STT3B: variants seen among roughly 807,000 people sequenced by gnomAD.
The protein encoded by STT3B is STT3 oligosaccharyltransferase complex catalytic subunit B.
STT3B carries 29 observed loss-of-function variants against 96.8 expected under a neutral mutation model. The observed-to-expected ratio is 0.30, with a 90% CI of 0.22 to 0.41. The LOEUF (loss-of-function observed/expected upper bound fraction) is 0.41. STT3B is among the 10% of genes least tolerant of loss of function. The probability of loss-of-function intolerance (pLI) is 1.00; values close to 1 mark genes in which losing one functional copy is unlikely to be tolerated. For missense variants in STT3B, 640 were observed against 1,022.3 expected (o/e 0.63, Z 5.10); for synonymous variants, 367 against 360.0 (o/e 1.02, Z -0.22).
chr3:31,612,335 C>T (rs1175618754), intron 5 of STT3B, among the ~76,000 whole-genome samples: 1 of 152,114 alleles, frequency 6.6e-6, no homozygotes, highest in Non-Finnish European at 1.5e-5. Context: ...GTACTTGGGT[C>T]CAGTTCTCTT....
chr3:31,599,987 G>A (rs933196010), intron 4 of STT3B, among the ~76,000 whole-genome samples: 3 of 151,842 alleles, frequency 2.0e-5, no homozygotes, highest in African/African-American at 7.3e-5. Flanking sequence ...ATAAAAAGTG[G>A]GTGAGGTAAA....
At chr3:31,610,348 A>G (rs1000501230) in intron 5 of STT3B, among the ~76,000 whole-genome samples, 6 of 152,232 alleles carry the variant, frequency 3.9e-5, no homozygotes, top group Non-Finnish European at 7.3e-5. Context: ...AAGCAATTCA[A>G]AAATGCTAAT....
chr3:31,543,283 A>C (rs140974174), intron 1 of STT3B, among the ~76,000 whole-genome samples: 1 of 152,292 alleles, frequency 6.6e-6, no homozygotes, highest in African/African-American at 2.4e-5. Flanking sequence ...AAGGAGACTT[A>C]AGTTATTTGT....
At position 31,596,959 on chromosome 3, in the gene STT3B, TTAATG is replaced by T. The variant is rs983659719; in HGVS notation, c.777+101_777+105del. 1.1e-4 allele frequency: 103 copies of T among 947,314 alleles called. No individual in the cohort carries two copies. The Middle Eastern group carries it at 1.6e-3, about 15-fold the overall frequency. The allele number at this position is 947,314 out of a possible 1,614,324, so 58.7% of individuals were successfully genotyped here. On this transcript the variant is annotated intron_variant, in intron 4 of 15. Coordinates refer to ENST00000295770, the MANE Select transcript of STT3B (RefSeq NM_178862.3). ...GAAGTCTGTAGGATTTTTATTTTGT[TTAATG>T]TAATCTTTCATTACTACCATCCTCT...
chr3:31,569,604 C>G (rs1698089953), intron 1 of STT3B, among the ~76,000 whole-genome samples: 1 of 152,100 alleles, frequency 6.6e-6, no homozygotes, highest in South Asian at 2.1e-4. Context: ...GTCACACTTG[C>G]TTCAAAACAG....
At chr3:31,559,150 TG>T (rs1559365166) in intron 1 of STT3B, among the ~76,000 whole-genome samples, 4 of 52,242 alleles carry the variant, frequency 7.7e-5, no homozygotes, top group Non-Finnish European at 1.3e-4. Context: ...TCTTGGGGTG[TG>T]TGTGTGTGTG....
intron 1 of STT3B, among the ~76,000 whole-genome samples, chr3:31,567,030 C>T (rs935139644): frequency 6.6e-6 from 1 of 152,142 alleles, no homozygotes; most frequent in African/African-American, 2.4e-5. Flanking sequence ...GCAAGACTTC[C>T]TGGGATTCTC....
Position 31,623,945 on chromosome 3 carries a change from T to C in STT3B, c.1727+84T>C, listed in dbSNP as rs904900807. On this transcript the variant is annotated intron_variant, in intron 11 of 15. Transcript: ENST00000295770. Reference sequence around the variant, plus strand: ...CAAAGGATATAATTAAAAAATAGAATGTTGTTTGTGAGATTCTGCATTTGC... The same window carrying C: ...CAAAGGATATAATTAAAAAATAGAACGTTGTTTGTGAGATTCTGCATTTGC... 3 of 1,194,336 alleles carry C rather than the reference T, an allele frequency of 2.5e-6. No homozygotes were observed. The East Asian group carries it at 7.4e-5, about 29-fold the overall frequency. The allele number at this position is 1,194,336 out of a possible 1,614,324, so 74.0% of individuals were successfully genotyped here. A position where few individuals can be genotyped will look rare whatever the true frequency, so the allele number is the denominator to read the frequency against.
In STT3B at chr3:31,533,280, C is replaced by A; in HGVS notation, c.282C>A (p.Arg94=). The A allele has an allele frequency of 6.5e-7, 1 of 1,534,500 alleles. No individual in the cohort carries two copies. Among genetic ancestry groups the A allele is most frequent in the Middle Eastern group, 1.7e-4 (1 of 5,808 alleles). Residue 94 remains arginine, a synonymous_variant, in exon 1 of 16, where the codon CGC becomes CGA. Transcript: ENST00000295770. ...GCTCGCGCCTCTTCGCCGTCATCCGCTTCGAAAGCATCATCCACGAGTTCG... is the reference window on the plus strand; with the variant it reads ...GCTCGCGCCTCTTCGCCGTCATCCGATTCGAAAGCATCATCCACGAGTTCG... The part of the protein sequence containing the change: ...GFSSRLFAVI[R]FESIIHEFDP...
intron 1 of STT3B, among the ~76,000 whole-genome samples, chr3:31,562,303 C>T (rs1203189240): frequency 6.6e-6 from 1 of 152,138 alleles, no homozygotes; most frequent in African/African-American, 2.4e-5. Context: ...GGTCCCCAGA[C>T]CTGCAGGTGA....
intron 5 of STT3B, among the ~76,000 whole-genome samples, chr3:31,601,963 T>C (rs1394503458): frequency 6.6e-6 from 1 of 152,132 alleles, no homozygotes; most frequent in East Asian, 1.9e-4. Flanking sequence ...ATTTTGGCTT[T>C]AAAGCCTGTA....
chr3:31,614,785 C>T (rs1296894182), intron 5 of STT3B, among the ~76,000 whole-genome samples: 1 of 151,776 alleles, frequency 6.6e-6, no homozygotes, highest in Non-Finnish European at 1.5e-5. Flanking sequence ...TATTACTTAG[C>T]TTCTTGAGTC....
chr3:31,557,943 TG>T (rs1231726712), intron 1 of STT3B, among the ~76,000 whole-genome samples: 1 of 152,230 alleles, frequency 6.6e-6, no homozygotes, highest in Non-Finnish European at 1.5e-5. Context: ...CTATTGTAAA[TG>T]GGATTGCTTT....
intron 13 of STT3B, 187 bp from the exon 14 acceptor site, chr3:31,629,108 AAAT>A: frequency 6.0e-6 from 3 of 498,246 alleles, no homozygotes; most frequent in Non-Finnish European, 1.1e-5. Flanking sequence ...ATTGTCTCAA[AAAT>A]AATAATTATT....
intron 5 of STT3B, among the ~76,000 whole-genome samples, chr3:31,613,072 T>C (rs1699220562): frequency 6.6e-6 from 1 of 152,130 alleles, no homozygotes; most frequent in Non-Finnish European, 1.5e-5. Flanking sequence ...TGTGGAGTAG[T>C]AAGAGCTTAG....
rs533533510 is a variant in STT3B, at chr3:31,558,877, T to A, written c.315-17519T>A. ...GGTCTGTTCAGGTTTTTTTTTTTTT[T>A]AATTTATTCTTGATTCAATCTTGAT... On this transcript the variant is annotated intron_variant, in intron 1 of 15. Transcript: ENST00000295770. 1.4e-3 allele frequency among the ~76,000 whole-genome samples: 205 copies of A among 145,964 alleles called. 1 individual carries two copies. Among genetic ancestry groups the A allele is most frequent in the Middle Eastern group, 7.0e-3 (2 of 286 alleles).
intron 1 of STT3B, among the ~76,000 whole-genome samples, chr3:31,559,533 T>C (rs1256046779): frequency 6.6e-6 from 1 of 152,108 alleles, no homozygotes; most frequent in African/African-American, 2.4e-5. Flanking sequence ...TGTTATTGAT[T>C]TCTCATTTTA....
chr3:31,587,477 C>T (rs1347407875), intron 3 of STT3B, among the ~76,000 whole-genome samples: 1 of 152,128 alleles, frequency 6.6e-6, no homozygotes, highest in Non-Finnish European at 1.5e-5. Flanking sequence ...CTCCTGGCCT[C>T]AAGCTACCCT....
chr3:31,589,200 G>A lies in STT3B; in HGVS notation c.712-7598G>A, dbSNP rs367856325. Among the ~76,000 whole-genome samples, 12 of 152,014 alleles carry A rather than the reference G, an allele frequency of 7.9e-5. No individual in the cohort carries two copies. In the South Asian group the frequency reaches 1.9e-3, roughly 24 times the overall value. On this transcript the variant is annotated intron_variant, in intron 3 of 15. Transcript: ENST00000295770. Reference sequence around the variant, plus strand: ...ATTCATTTTGTGTGTGTGCTAATACGTACTGGGTGCTAAATGGTATTATGT... The same window carrying A: ...ATTCATTTTGTGTGTGTGCTAATACATACTGGGTGCTAAATGGTATTATGT...
Sources: allele counts gnomAD v4.1 joint callset (sites outside exome capture counted in the v4.1 genomes callset), GRCh38; gene constraint gnomAD v4.1.1; transcripts MANE v1.5; gene names NCBI Gene and HGNC (gene_info 2026-07-23, HGNC 2026-07-21).